The following CSNK2A1 variants were observed in gnomAD, a reference collection of about 807,000 sequenced individuals.
The protein encoded by CSNK2A1 is casein kinase 2 alpha 1, also known as casein kinase II subunit alpha.
A neutral mutation model predicts 62.9 loss-of-function variants in CSNK2A1; 10 were observed. The ratio of observed to expected loss-of-function variants is 0.16; its 90% CI spans 0.10 to 0.27. CSNK2A1 has a LOEUF of 0.27. Among genes scored for constraint, CSNK2A1 ranks in the 10% least tolerant of loss-of-function variants. The pLI, the probability that CSNK2A1 is intolerant of heterozygous loss-of-function variation, is 1.00. For synonymous variants in CSNK2A1, 124 were observed against 167.8 expected (o/e 0.74, Z 2.02); for missense variants, 160 against 492.0 (o/e 0.33, Z 6.38).
chr20:488,206 G>C (rs1197146731), intron 11 of CSNK2A1: 1 of 173,012 alleles, frequency 5.8e-6, no homozygotes, highest in Non-Finnish European at 1.2e-5. Flanking sequence ...GCATGGAGTC[G>C]AGGGTCTCAT....
chr20:516,643 C>T (rs921448857), intron 2 of CSNK2A1, among the ~76,000 whole-genome samples: 1 of 152,106 alleles, frequency 6.6e-6, no homozygotes. Context: ...TTCAATTTGG[C>T]AACTAAAAAG....
At position 474,402 on chromosome 20, in the gene CSNK2A1, G is replaced by A. The variant is rs2017808218; in HGVS notation, c.*9559C>T. On this transcript the variant is annotated 3_prime_UTR_variant, in exon 14 of 14. Coordinates refer to ENST00000217244, the MANE Select transcript of CSNK2A1 (RefSeq NM_177559.3). ...GATGAATCAGGAATTGAGACGAGAT[G>A]GGAAGGCATCAAGACCAGTTATCTG... is the stretch of plus-strand genomic sequence containing the variant. 1 of 152,108 alleles carries A rather than the reference G, an allele frequency of 6.6e-6. No individual in the cohort carries two copies. Among genetic ancestry groups the A allele is most frequent in the Admixed American group, 6.6e-5 (1 of 15,262 alleles). The allele number at this position is 152,108 out of a possible 1,614,324, so 9.4% of individuals were successfully genotyped here. A position where few individuals can be genotyped will look rare whatever the true frequency, so the allele number is the denominator to read the frequency against.
intron 2 of CSNK2A1, among the ~76,000 whole-genome samples, chr20:527,728 C>T (rs1273766694): frequency 2.9e-5 from 4 of 137,096 alleles, no homozygotes; most frequent in African/African-American, 7.8e-5. Context: ...GTGGATGCCC[C>T]GTGTTTCACC....
chr20:487,218 A>T (rs1381552876), intron 12 of CSNK2A1: 25 of 650,302 alleles, frequency 3.8e-5, no homozygotes, highest in Non-Finnish European at 6.2e-5. Flanking sequence ...GAGTTTATTT[A>T]GGAATGCTCT....
chr20:530,790 A>G (rs947550851), intron 1 of CSNK2A1, among the ~76,000 whole-genome samples: 5 of 152,124 alleles, frequency 3.3e-5, no homozygotes, highest in African/African-American at 1.2e-4. Context: ...CTGTTTTTAA[A>G]AAGTAAATCA....
rs1295837991 is a variant in CSNK2A1 at position 483,880 on chromosome 20, C to T, written c.*81G>A. ...ACGGTGCTTCTGAAGTGTTTCACCC[C>T]TCCCCGCCAGGCGCAAGCTGCATCA... On this transcript the variant is annotated 3_prime_UTR_variant, in exon 14 of 14. Transcript: ENST00000217244. The T allele has an allele frequency of 2.1e-5, 30 of 1,420,772 alleles. No homozygotes were observed. The highest frequency in any genetic ancestry group is 2.8e-5 in the Non-Finnish European group (30 of 1,076,752). The allele number at this position is 1,420,772 out of a possible 1,614,324, so 88.0% of individuals were successfully genotyped here. A position where few individuals can be genotyped will look rare whatever the true frequency, so the allele number is the denominator to read the frequency against.
intron 1 of CSNK2A1, among the ~76,000 whole-genome samples, chr20:541,501 T>C (rs916264734): frequency 6.6e-6 from 1 of 152,198 alleles, no homozygotes; most frequent in African/African-American, 2.4e-5. Flanking sequence ...TATACATACA[T>C]ACATATGTCT....
At chr20:493,433 A>C (rs978742314) in intron 8 of CSNK2A1, among the ~76,000 whole-genome samples, 1 of 152,130 alleles carries the variant, frequency 6.6e-6, no homozygotes, top group South Asian at 2.1e-4. Context: ...AAAAATAATT[A>C]AATATTTAAA....
At chr20:517,680 G>A (rs187532715) in intron 2 of CSNK2A1, among the ~76,000 whole-genome samples, 198 of 152,084 alleles carry the variant, frequency 1.3e-3, no homozygotes, top group African/African-American at 4.6e-3. Context: ...ATTGCAAAGC[G>A]TAACACTTTA....
Position 481,554 on chromosome 20 carries a change from A to C in CSNK2A1, c.*2407T>G, listed in dbSNP as rs2122485337. ...CTCCATGCTTCTGCAGTGACTCTTA[A>C]GTAGCATTTTTAAAAACTTCTATTT... On this transcript the variant is annotated 3_prime_UTR_variant, in exon 14 of 14. Coordinates refer to ENST00000217244, the MANE Select transcript of CSNK2A1 (RefSeq NM_177559.3). The C allele has an allele frequency of 7.5e-6, 1 of 134,114 alleles. No homozygotes were observed. Among genetic ancestry groups the C allele is most frequent in the African/African-American group, 2.8e-5 (1 of 35,222 alleles). 8.3% of individuals were successfully genotyped at this position (134,114 alleles called of 1,614,324 possible). A position where few individuals can be genotyped will look rare whatever the true frequency, so the allele number is the denominator to read the frequency against.
In CSNK2A1 at chr20:499,466, C is replaced by A; in HGVS notation, c.316-161G>T. The A allele has an allele frequency of 1.7e-6, 1 of 583,888 alleles. No individual in the cohort carries two copies. The allele number at this position is 583,888 out of a possible 1,614,324, so 36.2% of individuals were successfully genotyped here. A position where few individuals can be genotyped will look rare whatever the true frequency, so the allele number is the denominator to read the frequency against. On this transcript the variant is annotated intron_variant, in intron 5 of 13. Transcript: ENST00000217244. This position sits in a 1 kb window ranked among gnomAD's most constrained non-coding sequence, Gnocchi z 4.2. ...AAGCCCTCCCCGCTCTGATCATCAC[C>A]GCACTTAGGTCATTTTTGGGATGGA...
At position 474,317 on chromosome 20, in the gene CSNK2A1, T is replaced by C. The variant is rs2017806892; in HGVS notation, c.*9644A>G. The C allele has an allele frequency of 6.6e-6, 1 of 152,206 alleles. No individual in the cohort carries two copies. Among genetic ancestry groups the C allele is most frequent in the South Asian group, 2.1e-4 (1 of 4,834 alleles). 9.4% of individuals were successfully genotyped at this position (152,206 alleles called of 1,614,324 possible). On this transcript the variant is annotated 3_prime_UTR_variant, in exon 14 of 14. Transcript: ENST00000217244. ...TCCCAAAATGCTGGGGTTATAGATA[T>C]GAGTCACTGTGCCTGGACTAGAATA...
rs2017936173 is a variant in CSNK2A1 at position 480,482 on chromosome 20, A to T, written c.*3479T>A. ...CATAAGACATGCAAGGTCACCAGGG[A>T]GTTTACATGCAAGTGGGGAGATACA... On this transcript the variant is annotated 3_prime_UTR_variant, in exon 14 of 14. Transcript: ENST00000217244. 6.6e-6 allele frequency: 1 copy of T among 152,058 alleles called. No individual in the cohort carries two copies. Among genetic ancestry groups the T allele is most frequent in the African/African-American group, 2.4e-5 (1 of 41,394 alleles). 9.4% of individuals were successfully genotyped at this position (152,058 alleles called of 1,614,324 possible).
At chr20:518,735 T>A (rs1425554932) in intron 2 of CSNK2A1, among the ~76,000 whole-genome samples, 2 of 84,480 alleles carry the variant, frequency 2.4e-5, no homozygotes, top group East Asian at 3.9e-4. Context: ...TTTTTTTTTT[T>A]AAGTAAAGAC....
chr20:504,007 G>A (rs987231224), intron 4 of CSNK2A1, among the ~76,000 whole-genome samples: 4 of 152,072 alleles, frequency 2.6e-5, no homozygotes, highest in Non-Finnish European at 2.9e-5. Context: ...GTGAAACCCC[G>A]TCTCTATTAA....
intron 2 of CSNK2A1, among the ~76,000 whole-genome samples, chr20:516,475 TAAAA>T (rs2018831281): frequency 6.6e-6 from 1 of 152,090 alleles, no homozygotes; most frequent in African/African-American, 2.4e-5. Flanking sequence ...TATAAGTAAA[TAAAA>T]AGAAAATGCC....
rs2122542615 is a variant in CSNK2A1 at position 499,164 on chromosome 20, A to T, written c.366+91T>A. The T allele has an allele frequency of 8.7e-7, 1 of 1,154,056 alleles. No homozygotes were observed. Among genetic ancestry groups the T allele is most frequent in the East Asian group, 2.8e-5 (1 of 36,144 alleles). The allele number at this position is 1,154,056 out of a possible 1,614,324, so 71.5% of individuals were successfully genotyped here. A position where few individuals can be genotyped will look rare whatever the true frequency, so the allele number is the denominator to read the frequency against. Reference sequence around the variant, plus strand: ...AAGGATGAAAAGCTTTTTAAAAACAAATGCGAAGCAAGCTCTTCTAACAGC... The same window carrying T: ...AAGGATGAAAAGCTTTTTAAAAACATATGCGAAGCAAGCTCTTCTAACAGC... On this transcript the variant is annotated intron_variant, in intron 6 of 13. Coordinates refer to ENST00000217244, the MANE Select transcript of CSNK2A1 (RefSeq NM_177559.3). This position sits in a 1 kb window ranked among gnomAD's most constrained non-coding sequence, Gnocchi z 4.2.
intron 9 of CSNK2A1, among the ~76,000 whole-genome samples, chr20:490,893 GAAAAAA>G (rs36034582): frequency 2.9e-5 from 3 of 102,192 alleles, no homozygotes; most frequent in African/African-American, 6.9e-5. Context: ...TCACTTACAT[GAAAAAA>G]AAAAAAAAAA....
At chr20:540,635 AG>A (rs2019430777) in intron 1 of CSNK2A1, among the ~76,000 whole-genome samples, 1 of 152,124 alleles carries the variant, frequency 6.6e-6, no homozygotes, top group Non-Finnish European at 1.5e-5. Context: ...CCTGGGCTCA[AG>A]CGATCCTCCT....
Sources: allele counts gnomAD v4.1 joint callset (sites outside exome capture counted in the v4.1 genomes callset), GRCh38; gene constraint gnomAD v4.1.1; non-coding constraint Gnocchi (gnomAD v3.1); transcripts MANE v1.5; gene names NCBI Gene and HGNC (gene_info 2026-07-23, HGNC 2026-07-21).